GPR160: variants seen among roughly 807,000 people sequenced by gnomAD.
The protein encoded by GPR160 is probable G protein-coupled receptor 160.
GPR160 carries 2 observed loss-of-function variants against 2.6 expected under a neutral mutation model. That is an observed-to-expected ratio of 0.77 (90% CI 0.32 to 2.44). The LOEUF (loss-of-function observed/expected upper bound fraction) is 2.44, where lower values mean the gene tolerates loss of function less well. GPR160 is among the 30% of genes most tolerant of loss of function. The pLI is 0.11. For missense variants in GPR160, 351 were observed against 383.6 expected, an observed-to-expected ratio of 0.91 and a Z score of 0.71; for synonymous variants, 130 against 132.2, an observed-to-expected ratio of 0.98 and a Z score of 0.12.
intron 2 of GPR160, among the ~76,000 whole-genome samples, chr3:170,055,486 G>T (rs1266926885): frequency 6.6e-6 from 1 of 151,908 alleles, no homozygotes; most frequent in Admixed American, 6.5e-5. Context: ...GGAGAGTGGG[G>T]TCTCAGGGAC....
intron 2 of GPR160, chr3:170,062,937 C>T (rs1453134763): frequency 9.3e-6 from 3 of 321,950 alleles, no homozygotes; most frequent in Admixed American, 4.4e-5. Context: ...CGGAGCCTCA[C>T]GGAGATCACC....
At chr3:170,041,343 C>T (rs935375016) in intron 2 of GPR160, among the ~76,000 whole-genome samples, 41 of 149,860 alleles carry the variant, frequency 2.7e-4, no homozygotes, top group African/African-American at 9.1e-4. Context: ...GCTCTGTCAC[C>T]CAGGCTGGAG....
chr3:170,050,692 G>A (rs1716918693), intron 2 of GPR160, among the ~76,000 whole-genome samples: 1 of 152,166 alleles, frequency 6.6e-6, no homozygotes, highest in South Asian at 2.1e-4. Context: ...TCAAATAAGA[G>A]GAATCTTGGG....
chr3:170,040,595 T>C (rs1365412911), intron 2 of GPR160, among the ~76,000 whole-genome samples: 1 of 152,220 alleles, frequency 6.6e-6, no homozygotes, highest in Admixed American at 6.5e-5. Flanking sequence ...TCGGGCGGAT[T>C]GTATAAAACG....
chr3:170,050,739 CACA>C (rs1257867236), intron 2 of GPR160, among the ~76,000 whole-genome samples: 2 of 152,180 alleles, frequency 1.3e-5, no homozygotes, highest in Non-Finnish European at 1.5e-5. Context: ...TCTCACTTAG[CACA>C]ACATTTTTGA....
rs113319792 is a variant in GPR160, at chr3:170,062,334, C to T, written c.-192-17440C>T. On this transcript the variant is annotated intron_variant, in intron 2 of 3. Transcript: ENST00000355897. ...CCCGCAGATAGTGGAGCAGAGGGGT[C>T]CAGGGAGGCGCTGCACCGACGTTGG... 3.7e-4 allele frequency: 100 copies of T among 271,114 alleles called. 1 individual carries two copies. The highest frequency in any genetic ancestry group is 2.2e-3 in the African/African-American group (95 of 43,920). The allele number at this position is 271,114 out of a possible 1,614,324, so 16.8% of individuals were successfully genotyped here.
chr3:170,054,837 G>A (rs1324649184), intron 2 of GPR160, among the ~76,000 whole-genome samples: 3 of 149,910 alleles, frequency 2.0e-5, no homozygotes, highest in African/African-American at 7.4e-5. Context: ...TCTGTCACCC[G>A]GGGTGGAATG....
intron 2 of GPR160, among the ~76,000 whole-genome samples, chr3:170,054,589 T>C (rs1416224767): frequency 1.3e-5 from 2 of 152,222 alleles, no homozygotes; most frequent in Non-Finnish European, 2.9e-5. Flanking sequence ...CATCCTGTGC[T>C]GAAAACCTGC....
chr3:170,053,096 C>A (rs1041617356), intron 2 of GPR160, among the ~76,000 whole-genome samples: 6 of 152,034 alleles, frequency 3.9e-5, no homozygotes, highest in Admixed American at 6.6e-5. Context: ...AGTCGTCCAA[C>A]TTTGTTATTG....
intron 2 of GPR160, among the ~76,000 whole-genome samples, chr3:170,054,950 T>C (rs1270067116): frequency 6.6e-6 from 1 of 152,056 alleles, no homozygotes. Flanking sequence ...TCTGCTACCA[T>C]GCCCAGCTAC....
chr3:170,078,273 TGGGA>T (rs1414492060), intron 2 of GPR160, among the ~76,000 whole-genome samples: 1 of 152,108 alleles, frequency 6.6e-6, no homozygotes, highest in Non-Finnish European at 1.5e-5. Context: ...TAGGGCTGCT[TGGGA>T]GGAAGAACCA....
At chr3:170,068,614 A>G (rs568163730) in intron 2 of GPR160, among the ~76,000 whole-genome samples, 1 of 151,282 alleles carries the variant, frequency 6.6e-6, no homozygotes, top group East Asian at 1.9e-4. Flanking sequence ...TTATTTTCCA[A>G]CTCTCTGTTT....
At chr3:170,076,548 AT>A (rs910726928) in intron 2 of GPR160, among the ~76,000 whole-genome samples, 12 of 149,186 alleles carry the variant, frequency 8.0e-5, no homozygotes, top group Admixed American at 6.7e-5. Flanking sequence ...TTTAATTATT[AT>A]TTTTTTTTTG....
Position 170,066,130 on chromosome 3 carries a change from C to CTTTTTTTTTTTTTTTTTT in GPR160, c.-192-13633_-192-13616dup, listed in dbSNP as rs768660597. Among the ~76,000 whole-genome samples the CTTTTTTTTTTTTTTTTTT allele has an allele frequency of 1.2e-3, 103 of 85,220 alleles. 7 individuals are homozygous for CTTTTTTTTTTTTTTTTTT. The highest frequency in any genetic ancestry group is 2.2e-3 in the African/African-American group (43 of 19,458). 55.9% of individuals were successfully genotyped at this position (85,220 alleles called of 152,430 possible). A position where few individuals can be genotyped will look rare whatever the true frequency, so the allele number is the denominator to read the frequency against. On this transcript the variant is annotated intron_variant, in intron 2 of 3. Transcript: ENST00000355897. ...ACTTGACACTATTCTTTTTCTTTTT[C>CTTTTTTTTTTTTTTTTTT]TTTTTTTTTTTTTTTTTTTTTTTTT...
At position 170,084,443 on chromosome 3, in the gene GPR160, C is replaced by T; in HGVS notation, c.471C>T (p.Asp157=). The T allele has an allele frequency of 6.2e-7, 1 of 1,612,134 alleles. No individual in the cohort carries two copies. The highest frequency in any genetic ancestry group is 8.5e-7 in the Non-Finnish European group (1 of 1,178,260). Residue 157 remains aspartate (D), a synonymous_variant, in exon 4 of 4, where the codon GAC becomes GAT. Coordinates refer to ENST00000355897, the MANE Select transcript of GPR160 (RefSeq NM_014373.3). Reference sequence around the variant, plus strand: ...CAGTCCTTGCTTATGTTTTGGGAGACCCAGCCATCTACCAAAGCCTGAAGG... The same window carrying T: ...CAGTCCTTGCTTATGTTTTGGGAGATCCAGCCATCTACCAAAGCCTGAAGG... ...WISVLAYVLG[D]PAIYQSLKAQ... is the part of the protein sequence containing the mutation.
At chr3:170,067,782 T>G (rs1260568069) in intron 2 of GPR160, among the ~76,000 whole-genome samples, 1 of 152,204 alleles carries the variant, frequency 6.6e-6, no homozygotes, top group African/African-American at 2.4e-5. Context: ...TGGGATGTGT[T>G]TTTTTACTCT....
In GPR160 at chr3:170,066,130, C is replaced by CTTTTTTTT. The variant is rs768660597; in HGVS notation, c.-192-13623_-192-13616dup. 2.9e-3 allele frequency among the ~76,000 whole-genome samples: 243 copies of CTTTTTTTT among 85,238 alleles called. 12 individuals carry two copies. The highest frequency in any genetic ancestry group is 7.4e-3 in the African/African-American group (145 of 19,476). 55.9% of individuals were successfully genotyped at this position (85,238 alleles called of 152,430 possible). A position where few individuals can be genotyped will look rare whatever the true frequency, so the allele number is the denominator to read the frequency against. Reference sequence around the variant, plus strand: ...ACTTGACACTATTCTTTTTCTTTTTCTTTTTTTTTTTTTTTTTTTTTTTTT... The same window carrying CTTTTTTTT: ...ACTTGACACTATTCTTTTTCTTTTTCTTTTTTTTTTTTTTTTTTTTTTTTTTTTTTTTT... On this transcript the variant is annotated intron_variant, in intron 2 of 3. Coordinates refer to ENST00000355897, the MANE Select transcript of GPR160 (RefSeq NM_014373.3).
At chr3:170,083,795 A>C in intron 3 of GPR160, 110 bp from the exon 4 acceptor site, 1 of 427,108 alleles carries the variant, frequency 2.3e-6, no homozygotes, top group South Asian at 8.3e-5. Context: ...ATTCTTATTC[A>C]TATATTTATT....
At chr3:170,066,761 A>G (rs1412486845) in intron 2 of GPR160, among the ~76,000 whole-genome samples, 1 of 152,214 alleles carries the variant, frequency 6.6e-6, no homozygotes, top group Admixed American at 6.5e-5. Context: ...TTATAGGATA[A>G]ATCCTTAGGA....
Sources: allele counts gnomAD v4.1 joint callset (sites outside exome capture counted in the v4.1 genomes callset), GRCh38; gene constraint gnomAD v4.1.1; transcripts MANE v1.5; gene names NCBI Gene and HGNC (gene_info 2026-07-23, HGNC 2026-07-21).